The following MCOLN1 variants were observed in gnomAD, a reference collection of about 807,000 sequenced individuals.
MCOLN1 encodes the protein mucolipin TRP cation channel 1.
A neutral mutation model predicts 70.3 loss-of-function variants in MCOLN1; 50 were observed. That is an observed-to-expected ratio of 0.71 (90% CI 0.57 to 0.90). MCOLN1 has a LOEUF of 0.90. Ranked by LOEUF, MCOLN1 falls within the 40% of genes least tolerant of loss-of-function variation. The pLI, the probability that MCOLN1 is intolerant of heterozygous loss-of-function variation, is 0.00. For synonymous variants in MCOLN1, 366 were observed against 341.0 expected (o/e 1.07, Z -0.81); for missense variants, 598 against 803.5 (o/e 0.74, Z 3.09).
Position 7,528,293 on chromosome 19 carries a change from G to A in MCOLN1, c.877+36G>A. ...GAGCCCCAGACCAGCACTGACCAGGGGCCCTGGCCTGTCCTGGGATTCCCC... is the reference window on the plus strand; with the variant it reads ...GAGCCCCAGACCAGCACTGACCAGGAGCCCTGGCCTGTCCTGGGATTCCCC... On this transcript the variant is annotated intron_variant, in intron 7 of 13. Coordinates refer to ENST00000264079, the MANE Select transcript of MCOLN1 (RefSeq NM_020533.3). The surrounding 1 kb of genome is among the most constrained non-coding windows in gnomAD (Gnocchi z 4.2). The A allele has an allele frequency of 1.9e-6, 3 of 1,588,682 alleles. No individual in the cohort carries two copies. The highest frequency in any genetic ancestry group is 2.2e-5 in the South Asian group (2 of 90,520).
At position 7,524,104 on chromosome 19, in the gene MCOLN1, C is replaced by T. The variant is rs1347130518; in HGVS notation, c.32-857C>T. 6.6e-6 allele frequency among the ~76,000 whole-genome samples: 1 copy of T among 152,164 alleles called. No individual in the cohort carries two copies. Among genetic ancestry groups the T allele is most frequent in the Non-Finnish European group, 1.5e-5 (1 of 68,024 alleles). ...GGCTGGATCCTCCCACCTTGGCCTC[C>T]CAAAGCCGTTGGGATAACAGGCATG... On this transcript the variant is annotated intron_variant, in intron 1 of 13. Coordinates refer to ENST00000264079, the MANE Select transcript of MCOLN1 (RefSeq NM_020533.3). The surrounding 1 kb of genome is among the most constrained non-coding windows in gnomAD (Gnocchi z 4.1).
At chr19:7,530,260 C>T in intron 11 of MCOLN1, 26 bp from the exon 12 acceptor site, 1 of 1,603,740 alleles carries the variant, frequency 6.2e-7, no homozygotes. Context: ...CCTTGGCTCC[C>T]TCTGACCCCG....
In MCOLN1 at chr19:7,522,703, C is replaced by G; in HGVS notation, c.-48C>G. ...CAGTGACAGCGGCGGGCGATCGGAC[C>G]CAGGCTGCCCCGCCGTACCCGCCTG... On this transcript the variant is annotated 5_prime_UTR_variant, in exon 1 of 14. Transcript: ENST00000264079. 1.4e-6 allele frequency: 2 copies of G among 1,436,560 alleles called. No homozygotes were observed. Among genetic ancestry groups the G allele is most frequent in the Non-Finnish European group, 1.8e-6 (2 of 1,098,588 alleles). 89.0% of individuals were successfully genotyped at this position (1,436,560 alleles called of 1,614,324 possible).
intron 10 of MCOLN1, 67 bp from the exon 11 acceptor site, chr19:7,529,523 C>CAAAG: frequency 4.3e-6 from 5 of 1,156,280 alleles, no homozygotes; most frequent in Non-Finnish European, 6.2e-6. Flanking sequence ...CCACCCCCAT[C>CAAAG]TGGGTGCCCA....
Position 7,533,969 on chromosome 19 carries a change from G to A in MCOLN1, c.*174G>A. 1.4e-6 allele frequency: 1 copy of A among 721,606 alleles called. No individual in the cohort carries two copies. The highest frequency in any genetic ancestry group is 2.4e-6 in the Non-Finnish European group (1 of 416,750). The allele number at this position is 721,606 out of a possible 1,614,324, so 44.7% of individuals were successfully genotyped here. A position where few individuals can be genotyped will look rare whatever the true frequency, so the allele number is the denominator to read the frequency against. On this transcript the variant is annotated 3_prime_UTR_variant, in exon 14 of 14. Transcript: ENST00000264079. ...GGCGGGGAGACTGGGTGGGGAGGGT[G>A]TTGAATAAAAGGGAAAATAAATGTG...
chr19:7,528,608 T>A lies in MCOLN1; in HGVS notation c.889T>A (p.Phe297Ile). 1.2e-6 allele frequency: 2 copies of A among 1,614,242 alleles called. No homozygotes were observed. Among genetic ancestry groups the A allele is most frequent in the Non-Finnish European group, 1.7e-6 (2 of 1,180,044 alleles). The change falls in exon 8 of 14, where the codon TTC becomes ATC. Residue 297 changes from phenylalanine (F) to isoleucine (I), a missense_variant. Phe to Ile is a conservative substitution (Grantham distance 21). This residue lies in a region of MCOLN1 where 461 missense variants were observed against 588.4 expected (regional missense o/e 0.78). Transcript: ENST00000264079. The surrounding 1 kb of genome is among the most constrained non-coding windows in gnomAD (Gnocchi z 4.2). ...TGCCCTCCCCGCAGGAGACAACAGCTTCCGGCTCCTGTTTGACGTGGTGGT... is the reference window on the plus strand; with the variant it reads ...TGCCCTCCCCGCAGGAGACAACAGCATCCGGCTCCTGTTTGACGTGGTGGT... Reference protein sequence around the residue: ...PSVFQHGDNSFRLLFDVVVIL... With the variant: ...PSVFQHGDNSIRLLFDVVVIL...
chr19:7,527,752 G>A (rs1177397092), intron 5 of MCOLN1, 112 bp from the exon 6 acceptor site: 2 of 1,113,830 alleles, frequency 1.8e-6, no homozygotes, highest in Non-Finnish European at 2.8e-6. Flanking sequence ...TGCCTGCTGG[G>A]TGAGCACTTC....
rs148748724 is a variant in MCOLN1, at chr19:7,526,607, G to A, written c.405+1G>A. 13 of 1,610,698 alleles carry A rather than the reference G, an allele frequency of 8.1e-6. No homozygotes were observed. Among genetic ancestry groups the A allele is most frequent in the Non-Finnish European group, 1.0e-5 (12 of 1,179,116 alleles). The stretch of plus-strand genomic sequence containing the variant: ...GGCCATCTTCCATGCTGTGGACCAG[G>A]TGCTGGTGGGCGGGCAGGTGCTGGT... On this transcript the variant is annotated splice_donor_variant, in intron 3 of 13. Coordinates refer to ENST00000264079, the MANE Select transcript of MCOLN1 (RefSeq NM_020533.3). LOFTEE classifies it high-confidence loss of function. The surrounding 1 kb of genome is among the most constrained non-coding windows in gnomAD (Gnocchi z 4.6).
chr19:7,527,780 T>A, intron 5 of MCOLN1, 84 bp from the exon 6 acceptor site: 1 of 1,244,844 alleles, frequency 8.0e-7, no homozygotes, highest in Non-Finnish European at 1.2e-6. Flanking sequence ...AGCTGCAGAG[T>A]CAGCACGTGG....
chr19:7,527,803 G>A (rs2022594282), intron 5 of MCOLN1, 61 bp from the exon 6 acceptor site: 3 of 1,375,550 alleles, frequency 2.2e-6, no homozygotes, highest in Non-Finnish European at 2.1e-6. Flanking sequence ...GGGGACGCTG[G>A]CACTTGGGGC....
Position 7,528,898 on chromosome 19 carries a change from G to A in MCOLN1, c.1062G>A (p.Trp354Ter). Residue 354 changes from tryptophan (W) to a stop codon, truncating the protein, a stop_gained, in exon 9 of 14, where the codon TGG becomes TGA. Coordinates refer to ENST00000264079, the MANE Select transcript of MCOLN1 (RefSeq NM_020533.3). LOFTEE classifies it high-confidence loss of function. The surrounding 1 kb of genome is among the most constrained non-coding windows in gnomAD (Gnocchi z 4.2). ...LWERLEFVNG[W>*]YILLVTSDVL... ...AGCGGCTGGAATTTGTCAATGGCTG[G>A]TACATCCTGCTCGTCACCAGCGATG... 6.2e-7 allele frequency: 1 copy of A among 1,614,140 alleles called. No homozygotes were observed. Among genetic ancestry groups the A allele is most frequent in the Non-Finnish European group, 8.5e-7 (1 of 1,180,010 alleles).
rs1216689758 is a variant in MCOLN1 at position 7,526,039 on chromosome 19, G to T, written c.238-400G>T. Reference sequence around the variant, plus strand: ...ATCATACCATGGCACTCCAACTTGGGCAACAGAGTGAGACTCTGTCTCAAA... The same window carrying T: ...ATCATACCATGGCACTCCAACTTGGTCAACAGAGTGAGACTCTGTCTCAAA... On this transcript the variant is annotated intron_variant, in intron 2 of 13. Transcript: ENST00000264079. This position sits in a 1 kb window ranked among gnomAD's most constrained non-coding sequence, Gnocchi z 4.6. 1 of 315,112 alleles carries T rather than the reference G, an allele frequency of 3.2e-6. No homozygotes were observed. Among genetic ancestry groups the T allele is most frequent in the Non-Finnish European group, 6.2e-6 (1 of 161,698 alleles). 19.5% of individuals were successfully genotyped at this position (315,112 alleles called of 1,614,324 possible).
rs940546793 is a variant in MCOLN1 at position 7,533,904 on chromosome 19, G to C, written c.*109G>C. On this transcript the variant is annotated 3_prime_UTR_variant, in exon 14 of 14. Transcript: ENST00000264079. ...CTTTTAAGGATCGGCTCCCTGTCGC[G>C]CCCGAGGAGGGCCTGGACCTTTCGT... 1 of 1,353,570 alleles carries C rather than the reference G, an allele frequency of 7.4e-7. No homozygotes were observed. The highest frequency in any genetic ancestry group is 1.9e-5 in the Admixed American group (1 of 52,566). 83.8% of individuals were successfully genotyped at this position (1,353,570 alleles called of 1,614,324 possible).
At chr19:7,530,566 T>A in intron 12 of MCOLN1, 65 bp downstream of exon 12, 1 of 1,412,314 alleles carries the variant, frequency 7.1e-7, no homozygotes, top group African/African-American at 1.4e-5. Context: ...CATGAGGGGG[T>A]CTTGGGGACA....
chr19:7,527,289 A>C (rs950495471), intron 4 of MCOLN1: 42 of 552,356 alleles, frequency 7.6e-5, no homozygotes, highest in East Asian at 2.5e-4. Flanking sequence ...AAAAAAAAAA[A>C]AAAAAACAAG....
At position 7,530,208 on chromosome 19, in the gene MCOLN1, A is replaced by C. The variant is rs923414838; in HGVS notation, c.1360-78A>C. The C allele has an allele frequency of 1.5e-5, 19 of 1,299,886 alleles. No individual in the cohort carries two copies. In the South Asian group the frequency reaches 2.2e-4, roughly 15 times the overall value. 80.5% of individuals were successfully genotyped at this position (1,299,886 alleles called of 1,614,324 possible). ...CAGCCACCAGCTCCTAGCCATTTGC[A>C]TGGGACCCCAGCCTGACCCCAGCCC... On this transcript the variant is annotated intron_variant, in intron 11 of 13. Transcript: ENST00000264079.
intron 10 of MCOLN1, 48 bp downstream of exon 10, chr19:7,529,250 C>G: frequency 6.6e-7 from 1 of 1,515,424 alleles, no homozygotes; most frequent in Non-Finnish European, 9.1e-7. Context: ...TACTCCACAC[C>G]CTCCAAATAA....
intron 11 of MCOLN1, among the ~76,000 whole-genome samples, chr19:7,530,075 C>A (rs2022632733): frequency 6.6e-6 from 1 of 151,614 alleles, no homozygotes; most frequent in South Asian, 2.1e-4. Context: ...CCCGGCCATT[C>A]ACGTGGGACC....
rs774998740 is a variant in MCOLN1 at position 7,527,872 on chromosome 19, A to G, written c.689A>G (p.Asn230Ser). ...NLTLKFHKLV[N>S]VTIHFRLKTI... ...CCGAGCCTCCTGCCTAGGCTGGTCA[A>G]TGTCACCATCCACTTCCGGCTGAAG... The change falls in exon 6 of 14, where the codon AAT becomes AGT. Residue 230 changes from asparagine (N) to serine (S), a missense_variant. Physicochemically the swap from Asn to Ser is conservative, Grantham distance 46 (BLOSUM62 1). Coordinates refer to ENST00000264079, the MANE Select transcript of MCOLN1 (RefSeq NM_020533.3). 8.1e-6 allele frequency: 13 copies of G among 1,613,656 alleles called. No individual in the cohort carries two copies. Among genetic ancestry groups the G allele is most frequent in the South Asian group, 3.3e-5 (3 of 91,068 alleles).
Sources: gnomAD v4.1 joint callset for allele counts (sites outside exome capture counted in the v4.1 genomes callset) on GRCh38, gnomAD v4.1.1 for gene constraint, gnomAD v4.1.1 regional missense constraint, Gnocchi (gnomAD v3.1) non-coding constraint, MANE v1.5 for transcripts, NCBI Gene and HGNC (gene_info 2026-07-23, HGNC 2026-07-21) for gene names.